The following ARHGEF18 variants were observed in gnomAD, a reference collection of about 807,000 sequenced individuals.
ARHGEF18 encodes Rho/Rac guanine nucleotide exchange factor 18, also known as rho guanine nucleotide exchange factor 18.
ARHGEF18 carries 93 observed loss-of-function variants against 155.7 expected under a neutral mutation model. The observed-to-expected ratio is 0.60, with a 90% CI of 0.50 to 0.71. The LOEUF (loss-of-function observed/expected upper bound fraction) is 0.71, where lower values mean the gene tolerates loss of function less well. Ranked by LOEUF, ARHGEF18 falls within the 30% of genes least tolerant of loss-of-function variation. ARHGEF18 has a pLI of 0.00. For synonymous variants in ARHGEF18, 742 were observed against 753.1 expected (o/e 0.99, Z 0.24); for missense variants, 1,593 against 1,816.1 (o/e 0.88, Z 2.23).
downstream of ARHGEF18, among the ~76,000 whole-genome samples, chr19:7,475,889 C>A (rs1414281905): frequency 1.3e-5 from 2 of 152,206 alleles, no homozygotes; most frequent in Non-Finnish European, 2.9e-5. Context: ...GGCCTGCACC[C>A]CCGACAAGGG....
intron 10 of ARHGEF18, among the ~76,000 whole-genome samples, chr19:7,393,544 C>A (rs1441814860): frequency 6.6e-6 from 1 of 152,048 alleles, no homozygotes; most frequent in Admixed American, 6.6e-5. Context: ...GACCAGCCAA[C>A]CTTGGTGAGA....
intron 10 of ARHGEF18, among the ~76,000 whole-genome samples, chr19:7,423,041 G>A (rs1397654546): frequency 6.6e-6 from 1 of 152,098 alleles, no homozygotes; most frequent in Non-Finnish European, 1.5e-5. Flanking sequence ...CTAAACAGAT[G>A]TGTAAATAAT....
intron 10 of ARHGEF18, among the ~76,000 whole-genome samples, chr19:7,411,252 C>T (rs1461863911): frequency 7.6e-4 from 41 of 53,924 alleles, no homozygotes; most frequent in Non-Finnish European, 1.1e-4. Flanking sequence ...TCCCCTACCT[C>T]TTCCCCTTCC....
At position 7,378,684 on chromosome 19, in the gene ARHGEF18, C is replaced by CTTTTTTTT. The variant is rs548305968; in HGVS notation, c.599+252_599+259dup. Among the ~76,000 whole-genome samples the CTTTTTTTT allele has an allele frequency of 6.8e-5, 6 of 88,134 alleles. 2 individuals are homozygous for CTTTTTTTT. Among genetic ancestry groups the CTTTTTTTT allele is most frequent in the East Asian group, 4.8e-4 (1 of 2,084 alleles). 57.8% of individuals were successfully genotyped at this position (88,134 alleles called of 152,430 possible). A position where few individuals can be genotyped will look rare whatever the true frequency, so the allele number is the denominator to read the frequency against. On this transcript the variant is annotated intron_variant, in intron 6 of 28. Transcript: ENST00000668164. ...ATGTAGCCTTGGGAGACAATTGTGGCTTTTTTTTTTTTTTTTTTTTTTTTT... is the reference window on the plus strand; with the variant it reads ...ATGTAGCCTTGGGAGACAATTGTGGCTTTTTTTTTTTTTTTTTTTTTTTTTTTTTTTTT...
chr19:7,398,314 C>G (rs369558693), intron 10 of ARHGEF18, among the ~76,000 whole-genome samples: 1 of 151,606 alleles, frequency 6.6e-6, no homozygotes, highest in Non-Finnish European at 1.5e-5. Flanking sequence ...CAGGTAATAT[C>G]CCCTCCTTGG....
chr19:7,378,300 G>A (rs1970558737), intron 5 of ARHGEF18, 94 bp from the exon 6 acceptor site: 3 of 945,962 alleles, frequency 3.2e-6, no homozygotes, highest in African/African-American at 1.7e-5. Context: ...AGTTCTGCAG[G>A]GGCCCAGGGT....
chr19:7,386,472 C>T (rs528244454), intron 10 of ARHGEF18, among the ~76,000 whole-genome samples: 131 of 152,068 alleles, frequency 8.6e-4, no homozygotes, highest in Middle Eastern at 6.8e-3. Context: ...AATGCAGTCA[C>T]CCCCAGGTGA....
At position 7,470,273 on chromosome 19, in the gene ARHGEF18, G is replaced by A; in HGVS notation, c.4061G>A (p.Ser1354Asn). Residue 1354 changes from serine (S) to asparagine (N), a missense_variant, in exon 29 of 29, where the codon AGC becomes AAC. Transcript: ENST00000668164. The surrounding 1 kb of genome is among the most constrained non-coding windows in gnomAD (Gnocchi z 5.9). ...ATPLSAKEDA[S>N]KEDVIFF ...CCACTCAGCGCCAAGGAGGACGCCAGCAAAGAAGACGTCATCTTCTTCTAA... is the reference window on the plus strand; with the variant it reads ...CCACTCAGCGCCAAGGAGGACGCCAACAAAGAAGACGTCATCTTCTTCTAA... 6 of 1,553,222 alleles carry A rather than the reference G, an allele frequency of 3.9e-6. No homozygotes were observed. The highest frequency in any genetic ancestry group is 4.3e-6 in the Non-Finnish European group (5 of 1,152,302).
At chr19:7,368,001 G>GAA (rs1491476316) in intron 2 of ARHGEF18, among the ~76,000 whole-genome samples, 1 of 69,854 alleles carries the variant, frequency 1.4e-5, no homozygotes, top group Admixed American at 1.6e-4. Context: ...GAGAGAGAGA[G>GAA]GGAGGGAGGG....
At chr19:7,459,584 A>G (rs1191855113) in intron 19 of ARHGEF18, among the ~76,000 whole-genome samples, 3 of 152,172 alleles carry the variant, frequency 2.0e-5, no homozygotes, top group Non-Finnish European at 4.4e-5. Flanking sequence ...CCCCATCCAC[A>G]GTAGCTGTAG....
At chr19:7,410,104 A>G (rs1039065251) in intron 10 of ARHGEF18, among the ~76,000 whole-genome samples, 1 of 151,986 alleles carries the variant, frequency 6.6e-6, no homozygotes, top group East Asian at 1.9e-4. Flanking sequence ...GGGTTTTTCT[A>G]AGGTTCACCA....
At chr19:7,450,562 C>T (rs1010223047) in intron 15 of ARHGEF18, among the ~76,000 whole-genome samples, 5 of 68 alleles carry the variant, frequency 0.074, no homozygotes, top group African/African-American at 0.2. Flanking sequence ...TTTCCATTTC[C>T]GAGGTGTGAA....
intron 15 of ARHGEF18, 69 bp downstream of exon 15, chr19:7,447,237 T>C (rs1033316007): frequency 1.8e-5 from 26 of 1,455,238 alleles, no homozygotes; most frequent in Admixed American, 6.4e-5. Context: ...ACGCCTGTAA[T>C]CCCAGCACTT....
chr19:7,425,089 A>T (rs1973580063), intron 10 of ARHGEF18, among the ~76,000 whole-genome samples: 1 of 151,898 alleles, frequency 6.6e-6, no homozygotes, highest in Non-Finnish European at 1.5e-5. Flanking sequence ...GCCATTTCTT[A>T]TCAGCCAGGA....
At chr19:7,445,770 C>CCACCA (rs1192066276) in intron 14 of ARHGEF18, among the ~76,000 whole-genome samples, 1 of 151,990 alleles carries the variant, frequency 6.6e-6, no homozygotes, top group Non-Finnish European at 1.5e-5. Context: ...CAGGTGCCTG[C>CCACCA]CACCACACCC....
At chr19:7,396,710 TA>T (rs757240169) in intron 10 of ARHGEF18, among the ~76,000 whole-genome samples, 2,415 of 130,686 alleles carry the variant, frequency 0.018, 53 homozygotes, top group African/African-American at 0.053. Flanking sequence ...CAAGACTGTC[TA>T]AAAAAAAAAA....
intron 2 of ARHGEF18, among the ~76,000 whole-genome samples, chr19:7,372,276 G>A (rs1212594099): frequency 6.6e-6 from 1 of 152,172 alleles, no homozygotes; most frequent in African/African-American, 2.4e-5. Flanking sequence ...TGCCCAAGCT[G>A]GGTTTTGACG....
intron 10 of ARHGEF18, among the ~76,000 whole-genome samples, chr19:7,431,785 G>C (rs190790285): frequency 3.0e-4 from 46 of 152,360 alleles, no homozygotes; most frequent in Non-Finnish European, 5.4e-4. Context: ...TTGTGCTCCA[G>C]CCTGGGCAAC....
At chr19:7,373,477 G>GTTTTTTTTTTTTTT (rs369561919) in intron 3 of ARHGEF18, among the ~76,000 whole-genome samples, 2 of 95,648 alleles carry the variant, frequency 2.1e-5, no homozygotes, top group African/African-American at 1.0e-4. Context: ...TTTTTTTTTT[G>GTTTTTTTTTTTTTT]TTTTTGTTTT....
Sources: allele counts gnomAD v4.1 joint callset (sites outside exome capture counted in the v4.1 genomes callset), GRCh38; gene constraint gnomAD v4.1.1; non-coding constraint Gnocchi (gnomAD v3.1); transcripts MANE v1.5; gene names NCBI Gene and HGNC (gene_info 2026-07-23, HGNC 2026-07-21).